The following ST6GALNAC5 variants were observed in gnomAD, a reference collection of about 807,000 sequenced individuals.
ST6GALNAC5 encodes ST6 N-acetylgalactosaminide alpha-2,6-sialyltransferase 5, also known as alpha-N-acetylgalactosaminide alpha-2,6-sialyltransferase 5.
In ST6GALNAC5, 27 loss-of-function variants were observed where a neutral mutation model predicts 33.6. The observed-to-expected ratio is 0.80, with a 90% CI of 0.59 to 1.11. ST6GALNAC5 has a LOEUF of 1.11. Ranked by LOEUF, ST6GALNAC5 falls within the 50% of genes least tolerant of loss-of-function variation. The probability of loss-of-function intolerance (pLI) is 0.00; values close to 1 mark genes in which losing one functional copy is unlikely to be tolerated. For missense variants in ST6GALNAC5, 428 were observed against 454.0 expected, an observed-to-expected ratio of 0.94 and a Z score of 0.52; for synonymous variants, 194 against 171.2, an observed-to-expected ratio of 1.13 and a Z score of -1.04.
chr1:76,995,900 C>G (rs576242237), intron 2 of ST6GALNAC5, among the ~76,000 whole-genome samples: 1 of 151,960 alleles, frequency 6.6e-6, no homozygotes, highest in Non-Finnish European at 1.5e-5. Context: ...AGCATGGAGC[C>G]GAAGAGGAGA....
intron 2 of ST6GALNAC5, among the ~76,000 whole-genome samples, chr1:76,969,988 T>C (rs531294238): frequency 1.3e-5 from 2 of 151,996 alleles, no homozygotes; most frequent in Non-Finnish European, 2.9e-5. Context: ...CAGAAAGGAA[T>C]AGCATCAACA....
At chr1:76,900,534 T>C (rs571008560) in intron 2 of ST6GALNAC5, among the ~76,000 whole-genome samples, 7 of 152,356 alleles carry the variant, frequency 4.6e-5, no homozygotes, top group South Asian at 4.1e-4. Flanking sequence ...ATAAAATGTT[T>C]ATCAAGTCTG....
In ST6GALNAC5 at chr1:76,867,507, A is replaced by T; in HGVS notation, c.-169A>T. ...TTTTAATTCTGTCTCTAATCTCTGC[A>T]ACAGCCGCGCTTCCCGGGTCCCGCG... On this transcript the variant is annotated 5_prime_UTR_variant, in exon 1 of 5. Coordinates refer to ENST00000477717, the MANE Select transcript of ST6GALNAC5 (RefSeq NM_030965.3). 2.1e-6 allele frequency: 2 copies of T among 970,172 alleles called. No homozygotes were observed. The highest frequency in any genetic ancestry group is 3.3e-6 in the Non-Finnish European group (2 of 606,112). The allele number at this position is 970,172 out of a possible 1,614,324, so 60.1% of individuals were successfully genotyped here.
chr1:76,908,894 T>C (rs1570661400), intron 2 of ST6GALNAC5, among the ~76,000 whole-genome samples: 1 of 152,206 alleles, frequency 6.6e-6, no homozygotes, highest in South Asian at 2.1e-4. Flanking sequence ...TCTATGCAAT[T>C]CTTTGATGCT....
intron 2 of ST6GALNAC5, among the ~76,000 whole-genome samples, chr1:77,041,907 T>C (rs1029009512): frequency 3.9e-5 from 6 of 152,174 alleles, no homozygotes; most frequent in African/African-American, 1.2e-4. Flanking sequence ...ATAGCATCAC[T>C]GAATTTCTAA....
chr1:77,033,898 G>C (rs1015895773), intron 2 of ST6GALNAC5, among the ~76,000 whole-genome samples: 2 of 152,236 alleles, frequency 1.3e-5, no homozygotes, highest in Admixed American at 1.3e-4. Context: ...CAGGGGAAGG[G>C]AGTGGTGTGA....
chr1:77,063,253 C>T lies in ST6GALNAC5; in HGVS notation c.*47C>T, dbSNP rs749506907. The T allele has an allele frequency of 3.2e-6, 5 of 1,545,266 alleles. No homozygotes were observed. The highest frequency in any genetic ancestry group is 4.5e-6 in the Non-Finnish European group (5 of 1,122,960). On this transcript the variant is annotated 3_prime_UTR_variant, in exon 5 of 5. Coordinates refer to ENST00000477717, the MANE Select transcript of ST6GALNAC5 (RefSeq NM_030965.3). Reference sequence around the variant, plus strand: ...AATCCCAGGTATTCACTGCATCAGACACCGAGACACTGAACTTCCTGAGCC... The same window carrying T: ...AATCCCAGGTATTCACTGCATCAGATACCGAGACACTGAACTTCCTGAGCC...
intron 2 of ST6GALNAC5, among the ~76,000 whole-genome samples, chr1:76,893,912 G>T (rs1251603161): frequency 1.3e-5 from 2 of 152,116 alleles, no homozygotes; most frequent in Non-Finnish European, 2.9e-5. Flanking sequence ...ACCCACCTTG[G>T]CCTCCCAAAG....
chr1:76,977,279 G>A (rs78551960), intron 2 of ST6GALNAC5, among the ~76,000 whole-genome samples: 3,600 of 152,048 alleles, frequency 0.024, 55 homozygotes, highest in Middle Eastern at 0.037. Context: ...GTTAATTACC[G>A]TATTTGTTAC....
intron 2 of ST6GALNAC5, among the ~76,000 whole-genome samples, chr1:76,981,610 G>T (rs537887151): frequency 6.7e-6 from 1 of 149,342 alleles, no homozygotes; most frequent in African/African-American, 2.6e-5. Context: ...AAATGTCCCT[G>T]TCTGACAGCT....
chr1:76,902,492 T>C (rs1646827097), intron 2 of ST6GALNAC5, among the ~76,000 whole-genome samples: 1 of 152,168 alleles, frequency 6.6e-6, no homozygotes, highest in South Asian at 2.1e-4. Flanking sequence ...ACTGGGATTC[T>C]CTAGGCCAGT....
intron 2 of ST6GALNAC5, among the ~76,000 whole-genome samples, chr1:76,950,614 A>G (rs1224130296): frequency 6.6e-6 from 1 of 152,104 alleles, no homozygotes; most frequent in East Asian, 1.9e-4. Flanking sequence ...TATAAGGGAG[A>G]GATGGGACCG....
chr1:76,994,011 AAC>A (rs760855183), intron 2 of ST6GALNAC5, among the ~76,000 whole-genome samples: 1 of 152,224 alleles, frequency 6.6e-6, no homozygotes, highest in African/African-American at 2.4e-5. Context: ...GTTATAAAGT[AAC>A]ACACACTGTG....
intron 4 of ST6GALNAC5, among the ~76,000 whole-genome samples, chr1:77,055,898 G>A (rs1053033116): frequency 6.6e-6 from 1 of 152,202 alleles, no homozygotes; most frequent in Non-Finnish European, 1.5e-5. Context: ...ACAAAAATAA[G>A]CCCTGTCCAT....
In ST6GALNAC5 at chr1:77,034,970, G is replaced by A. The variant is rs1482613469; in HGVS notation, c.262-9234G>A. 3.9e-5 allele frequency among the ~76,000 whole-genome samples: 6 copies of A among 152,110 alleles called. No homozygotes were observed. In the East Asian group the frequency reaches 1.2e-3, roughly 29 times the overall value. ...TGTATGGTTTTGAACAAATCCCATA[G>A]CCCCCTGAGGTTCCACTTCTTCTGT... On this transcript the variant is annotated intron_variant, in intron 2 of 4. Transcript: ENST00000477717.
At chr1:76,963,323 T>C (rs1648320299) in intron 2 of ST6GALNAC5, among the ~76,000 whole-genome samples, 1 of 152,202 alleles carries the variant, frequency 6.6e-6, no homozygotes, top group Non-Finnish European at 1.5e-5. Context: ...CAGCGAGTGC[T>C]CTGGCTAATA....
At chr1:77,005,351 C>A (rs868375115) in intron 2 of ST6GALNAC5, among the ~76,000 whole-genome samples, 1 of 152,130 alleles carries the variant, frequency 6.6e-6, no homozygotes, top group Admixed American at 6.5e-5. Context: ...CTTCGGCTCG[C>A]GCACGGTGCG....
chr1:76,914,754 G>A lies in ST6GALNAC5; in HGVS notation c.261+46012G>A, dbSNP rs1312766062. Among the ~76,000 whole-genome samples the A allele has an allele frequency of 9.9e-5, 15 of 152,196 alleles. No individual in the cohort carries two copies. The East Asian group carries it at 2.7e-3, about 27-fold the overall frequency. ...ATAAAAACCCTAGAAGAAAACCTAG[G>A]CATTACCATTCAGGACATAGGCATG... On this transcript the variant is annotated intron_variant, in intron 2 of 4. Transcript: ENST00000477717.
intron 2 of ST6GALNAC5, among the ~76,000 whole-genome samples, chr1:76,965,544 C>A (rs2100356016): frequency 6.6e-6 from 1 of 152,198 alleles, no homozygotes; most frequent in Admixed American, 6.5e-5. Flanking sequence ...AAATTTTCTC[C>A]CATTCTCTAT....
Sources: gnomAD v4.1 joint callset for allele counts (sites outside exome capture counted in the v4.1 genomes callset) on GRCh38, gnomAD v4.1.1 for gene constraint, MANE v1.5 for transcripts, NCBI Gene and HGNC (gene_info 2026-07-23, HGNC 2026-07-21) for gene names.